RAP1GDS1: variants seen among roughly 807,000 people sequenced by gnomAD.
RAP1GDS1 encodes Rap1 GTPase-GDP dissociation stimulator 1.
In RAP1GDS1, 35 loss-of-function variants were observed where a neutral mutation model predicts 71.1. That is an observed-to-expected ratio of 0.49 (90% CI 0.38 to 0.65). The LOEUF (loss-of-function observed/expected upper bound fraction) is 0.65, where lower values mean the gene tolerates loss of function less well. Among genes scored for constraint, RAP1GDS1 ranks in the 30% least tolerant of loss-of-function variants. The pLI, the probability that RAP1GDS1 is intolerant of heterozygous loss-of-function variation, is 0.00. For synonymous variants in RAP1GDS1, 229 were observed against 243.1 expected (o/e 0.94, Z 0.54); for missense variants, 663 against 706.1 (o/e 0.94, Z 0.69).
intron 6 of RAP1GDS1, among the ~76,000 whole-genome samples, chr4:98,393,413 A>G (rs1029544683): frequency 2.0e-5 from 3 of 152,148 alleles, no homozygotes; most frequent in Non-Finnish European, 2.9e-5. Context: ...CATTCATTCA[A>G]GTGAGACCAA....
chr4:98,327,148 ATTT>A (rs1733243830), intron 2 of RAP1GDS1, among the ~76,000 whole-genome samples: 1 of 147,896 alleles, frequency 6.8e-6, no homozygotes, highest in Non-Finnish European at 1.5e-5. Flanking sequence ...AAATTGTAAC[ATTT>A]TTTTAAAAAT....
At chr4:98,396,411 G>A (rs1490162845) in intron 6 of RAP1GDS1, 1 of 152,132 alleles carries the variant, frequency 6.6e-6, no homozygotes, top group Non-Finnish European at 1.5e-5. Context: ...TGGTATACAG[G>A]GAAAATAAGC....
intron 2 of RAP1GDS1, among the ~76,000 whole-genome samples, chr4:98,334,346 C>A (rs1301382627): frequency 6.6e-6 from 1 of 152,120 alleles, no homozygotes; most frequent in African/African-American, 2.4e-5. Flanking sequence ...ACCTTTGACT[C>A]AGTTTCACAT....
At chr4:98,324,287 A>C (rs1732540903) in intron 2 of RAP1GDS1, among the ~76,000 whole-genome samples, 1 of 151,680 alleles carries the variant, frequency 6.6e-6, no homozygotes, top group South Asian at 2.1e-4. Flanking sequence ...AAACAAATGG[A>C]AGAACATTCC....
chr4:98,384,942 G>C (rs1742522376), intron 5 of RAP1GDS1, among the ~76,000 whole-genome samples: 1 of 151,634 alleles, frequency 6.6e-6, no homozygotes, highest in South Asian at 2.1e-4. Flanking sequence ...TGCCCACTTA[G>C]TTGAGGGCAG....
At position 98,443,015 on chromosome 4, in the gene RAP1GDS1, A is replaced by ATTTTTTTTCTTTTTTTTTTT. The variant is rs1752063594; in HGVS notation, c.*906_*907insCTTTTTTTTTTTTTTTTTTT. On this transcript the variant is annotated 3_prime_UTR_variant, in exon 15 of 15. Transcript: ENST00000408927. ...TGAGTATAGTTCATTGAAGAATGGAATTTTTTTTTTTTTTTTTTTTTTTGC... is the reference window on the plus strand; with the variant it reads ...TGAGTATAGTTCATTGAAGAATGGAATTTTTTTTCTTTTTTTTTTTTTTTTTTTTTTTTTTTTTTTTTTGC... 7.6e-6 allele frequency: 1 copy of ATTTTTTTTCTTTTTTTTTTT among 130,754 alleles called. No individual in the cohort carries two copies. The highest frequency in any genetic ancestry group is 4.0e-5 in the African/African-American group (1 of 25,008). 8.1% of individuals were successfully genotyped at this position (130,754 alleles called of 1,614,324 possible).
chr4:98,284,503 G>A lies in RAP1GDS1; in HGVS notation c.5-8905G>A, dbSNP rs76819528. Among the ~76,000 whole-genome samples the A allele has an allele frequency of 7.5e-3, 1,138 of 152,302 alleles. 16 individuals are homozygous for A. The highest frequency in any genetic ancestry group is 0.026 in the African/African-American group (1,084 of 41,564). ...TATTGTACTATTTTAACCAAACCATGTGGTGAATATTAAGTTATGGTAGCT... is the reference window on the plus strand; with the variant it reads ...TATTGTACTATTTTAACCAAACCATATGGTGAATATTAAGTTATGGTAGCT... On this transcript the variant is annotated intron_variant, in intron 1 of 14. Coordinates refer to ENST00000408927, the MANE Select transcript of RAP1GDS1 (RefSeq NM_001100427.2).
intron 1 of RAP1GDS1, among the ~76,000 whole-genome samples, chr4:98,287,058 TA>T (rs1015023219): frequency 1.3e-5 from 2 of 152,000 alleles, no homozygotes; most frequent in African/African-American, 4.8e-5. Context: ...TCATAATTTC[TA>T]AAAAAACATG....
At position 98,436,855 on chromosome 4, in the gene RAP1GDS1, A is replaced by G. The variant is rs1751209524; in HGVS notation, c.1568-85A>G. ...ATCAGTTCCATTTAGAAGGTTTCGT[A>G]TGGTCAATTTCTTCAAAATGAAGCA... On this transcript the variant is annotated intron_variant, in intron 13 of 14. Coordinates refer to ENST00000408927, the MANE Select transcript of RAP1GDS1 (RefSeq NM_001100427.2). The G allele has an allele frequency of 3.7e-6, 5 of 1,334,656 alleles. No homozygotes were observed. The Admixed American group carries it at 1.1e-4, about 29-fold the overall frequency. The allele number at this position is 1,334,656 out of a possible 1,614,324, so 82.7% of individuals were successfully genotyped here.
chr4:98,268,822 AAC>A (rs1168648602), intron 1 of RAP1GDS1, among the ~76,000 whole-genome samples: 1 of 152,114 alleles, frequency 6.6e-6, no homozygotes, highest in Non-Finnish European at 1.5e-5. Flanking sequence ...TTGAAAAATT[AAC>A]AGATATCCCA....
chr4:98,368,530 A>T (rs972139335), intron 4 of RAP1GDS1, among the ~76,000 whole-genome samples: 1 of 152,198 alleles, frequency 6.6e-6, no homozygotes, highest in Non-Finnish European at 1.5e-5. Flanking sequence ...AGGTGACTTT[A>T]TGTTAAAATT....
intron 7 of RAP1GDS1, among the ~76,000 whole-genome samples, chr4:98,405,594 T>C (rs1160895928): frequency 6.6e-6 from 1 of 151,928 alleles, no homozygotes; most frequent in Admixed American, 6.6e-5. Context: ...TCAGAAATTA[T>C]GAAAAATGCA....
intron 6 of RAP1GDS1, among the ~76,000 whole-genome samples, chr4:98,393,095 G>A (rs1162476017): frequency 6.6e-6 from 1 of 152,120 alleles, no homozygotes; most frequent in East Asian, 1.9e-4. Flanking sequence ...AAATGAAATG[G>A]TGTTTTGTCA....
chr4:98,400,057 G>A (rs1434978086), intron 6 of RAP1GDS1, among the ~76,000 whole-genome samples: 1 of 152,060 alleles, frequency 6.6e-6, no homozygotes, highest in Non-Finnish European at 1.5e-5. Flanking sequence ...GGAAGCTGGG[G>A]TGGGAGGATC....
intron 1 of RAP1GDS1, among the ~76,000 whole-genome samples, chr4:98,263,443 A>G (rs1443113769): frequency 6.6e-6 from 1 of 152,168 alleles, no homozygotes; most frequent in Non-Finnish European, 1.5e-5. Flanking sequence ...CTTGAGTGCT[A>G]TTGCTTGATT....
chr4:98,302,432 A>G (rs1378567431), intron 2 of RAP1GDS1, among the ~76,000 whole-genome samples: 1 of 152,232 alleles, frequency 6.6e-6, no homozygotes, highest in Non-Finnish European at 1.5e-5. Context: ...AAGAGATGCA[A>G]ACAGGCAACT....
At chr4:98,399,835 G>T (rs1329673360) in intron 6 of RAP1GDS1, among the ~76,000 whole-genome samples, 1 of 152,088 alleles carries the variant, frequency 6.6e-6, no homozygotes, top group Non-Finnish European at 1.5e-5. Flanking sequence ...GTGTCAACTA[G>T]CACAGCCACT....
chr4:98,392,122 A>C, intron 6 of RAP1GDS1, 42 bp downstream of exon 6: 1 of 1,550,208 alleles, frequency 6.5e-7, no homozygotes, highest in East Asian at 2.3e-5. Context: ...TAACTTATTA[A>C]TGTGCTTACA....
rs746859030 is a variant in RAP1GDS1, at chr4:98,404,568, G to T, written c.729G>T (p.Met243Ile). ...KKQIEHDKRE[M>I]IFEVLAPLAE... ...AAATAGAACATGATAAGAGAGAAAT[G>T]ATTTTTGAAGTTCTTGCTCCATTGG... The change falls in exon 7 of 15, where the codon ATG becomes ATT. Residue 243 changes from methionine to isoleucine, a missense_variant. Transcript: ENST00000408927. 5.0e-6 allele frequency: 8 copies of T among 1,602,432 alleles called. No individual in the cohort carries two copies. The highest frequency in any genetic ancestry group is 6.8e-6 in the Non-Finnish European group (8 of 1,176,022).
Sources: allele counts gnomAD v4.1 joint callset (sites outside exome capture counted in the v4.1 genomes callset), GRCh38; gene constraint gnomAD v4.1.1; transcripts MANE v1.5; gene names NCBI Gene and HGNC (gene_info 2026-07-23, HGNC 2026-07-21).